Variants in SYBU observed in about 807,000 individuals in gnomAD.
The protein encoded by SYBU is GOLSYN A protein.
SYBU carries 21 observed loss-of-function variants against 35.9 expected under a neutral mutation model. That is an observed-to-expected ratio of 0.58 (90% CI 0.41 to 0.84). The LOEUF (loss-of-function observed/expected upper bound fraction) is 0.84, where lower values mean the gene tolerates loss of function less well. SYBU is among the 40% of genes least tolerant of loss of function. The pLI, the probability that SYBU is intolerant of heterozygous loss-of-function variation, is 0.00. For synonymous variants in SYBU, 319 were observed against 324.3 expected (o/e 0.98, Z 0.18); for missense variants, 768 against 848.2 (o/e 0.91, Z 1.17).
In SYBU at chr8:109,640,819, CAAA is replaced by C. The variant is rs33993476; in HGVS notation, c.229+1906_229+1908del. Among the ~76,000 whole-genome samples the C allele has an allele frequency of 2.3e-3, 185 of 82,040 alleles. 1 individual carries two copies. Among genetic ancestry groups the C allele is most frequent in the Non-Finnish European group, 4.0e-3 (146 of 36,520 alleles). 53.8% of individuals were successfully genotyped at this position (82,040 alleles called of 152,430 possible). ...AAATTGTTAGCAAAAAATTAGTTAG[CAAA>C]AAAAAAAAAAAAAAAAGTAGGCAGT... On this transcript the variant is annotated intron_variant, in intron 2 of 6. Transcript: ENST00000276646.
upstream of SYBU, chr8:109,645,000 C>G: frequency 2.0e-6 from 1 of 492,664 alleles, no homozygotes; most frequent in Non-Finnish European, 3.8e-6. Flanking sequence ...GCCCCCCCAG[C>G]CAGAGCCGGT....
intron 3 of SYBU, among the ~76,000 whole-genome samples, chr8:109,595,040 A>G (rs1824707008): frequency 6.6e-6 from 1 of 152,006 alleles, no homozygotes; most frequent in South Asian, 2.1e-4. Context: ...ATATATGTAA[A>G]ACATGTAAAA....
At chr8:109,607,120 C>T (rs980398391) in intron 3 of SYBU, among the ~76,000 whole-genome samples, 1 of 152,166 alleles carries the variant, frequency 6.6e-6, no homozygotes, top group Non-Finnish European at 1.5e-5. Flanking sequence ...CCACCACAGG[C>T]ATTAATCATT....
chr8:109,681,943 T>G (rs1449440630), upstream of SYBU, among the ~76,000 whole-genome samples: 1 of 152,170 alleles, frequency 6.6e-6, no homozygotes, highest in East Asian at 1.9e-4. Context: ...CTCCCCTTTT[T>G]GCTTGGCACT....
At chr8:109,657,439 T>TAAAG (rs771871998) in intron 1 of SYBU, among the ~76,000 whole-genome samples, 9 of 152,218 alleles carry the variant, frequency 5.9e-5, no homozygotes, top group Non-Finnish European at 7.3e-5. Flanking sequence ...ATTTGTTTGT[T>TAAAG]CTATAGAGCT....
intron 1 of SYBU, among the ~76,000 whole-genome samples, chr8:109,678,151 AAAAAAAAAGG>A: frequency 6.6e-6 from 1 of 150,682 alleles, no homozygotes; most frequent in East Asian, 1.9e-4. Context: ...AAAAAAAAAA[AAAAAAAAAGG>A]AAAAGGAAAA....
chr8:109,637,506 GGCT>G (rs754295497), intron 2 of SYBU, among the ~76,000 whole-genome samples: 2 of 152,090 alleles, frequency 1.3e-5, no homozygotes, highest in East Asian at 3.9e-4. Flanking sequence ...TCTGTGGTGA[GGCT>G]GCTAAGCATT....
intron 1 of SYBU, among the ~76,000 whole-genome samples, chr8:109,655,848 C>G (rs953946792): frequency 6.6e-6 from 1 of 152,160 alleles, no homozygotes; most frequent in African/African-American, 2.4e-5. Flanking sequence ...GGCGTGGTGG[C>G]TCACGCCTGT....
chr8:109,670,485 T>C (rs1816939593), intron 1 of SYBU, among the ~76,000 whole-genome samples: 1 of 151,958 alleles, frequency 6.6e-6, no homozygotes, highest in African/African-American at 2.4e-5. Context: ...TATATTTTAG[T>C]TTTACAAATA....
At chr8:109,675,292 A>G (rs923081094) in intron 1 of SYBU, among the ~76,000 whole-genome samples, 4 of 152,246 alleles carry the variant, frequency 2.6e-5, no homozygotes, top group South Asian at 2.1e-4. Context: ...CTAAGATCAG[A>G]GCAGAACCGA....
At chr8:109,674,056 T>C (rs976519271) in intron 1 of SYBU, among the ~76,000 whole-genome samples, 4 of 152,292 alleles carry the variant, frequency 2.6e-5, no homozygotes, top group African/African-American at 9.6e-5. Flanking sequence ...TACTTTTGAT[T>C]GGTGTACCTG....
At chr8:109,678,016 C>T (rs1817253041) in intron 1 of SYBU, among the ~76,000 whole-genome samples, 1 of 151,230 alleles carries the variant, frequency 6.6e-6, no homozygotes, top group African/African-American at 2.4e-5. Context: ...TGCCTGTAAT[C>T]CCAGCTATTT....
chr8:109,675,311 G>C (rs910727224), intron 1 of SYBU, among the ~76,000 whole-genome samples: 5 of 152,190 alleles, frequency 3.3e-5, no homozygotes, highest in African/African-American at 9.7e-5. Flanking sequence ...GAAGTAGATA[G>C]AGACAAGAAA....
intron 1 of SYBU, among the ~76,000 whole-genome samples, chr8:109,676,542 G>C (rs950490178): frequency 1.3e-5 from 2 of 152,142 alleles, no homozygotes; most frequent in Non-Finnish European, 2.9e-5. Flanking sequence ...ACCATTATTA[G>C]AAAGAATATA....
intron 4 of SYBU, among the ~76,000 whole-genome samples, chr8:109,582,687 A>G (rs1823177939): frequency 6.6e-6 from 1 of 152,174 alleles, no homozygotes; most frequent in African/African-American, 2.4e-5. Flanking sequence ...CATCACCATG[A>G]TCTAGGGTTG....
At chr8:109,596,020 C>T (rs1414627571) in intron 3 of SYBU, among the ~76,000 whole-genome samples, 1 of 152,222 alleles carries the variant, frequency 6.6e-6, no homozygotes, top group Non-Finnish European at 1.5e-5. Flanking sequence ...CCTACAGCCA[C>T]AATTCTGTCT....
intron 3 of SYBU, among the ~76,000 whole-genome samples, chr8:109,617,375 A>T (rs1229536584): frequency 1.3e-5 from 2 of 152,188 alleles, no homozygotes; most frequent in Non-Finnish European, 2.9e-5. Flanking sequence ...TTTGGGAGTG[A>T]TACAAACTTT....
At chr8:109,580,847 CCCT>C (rs1468338516) in intron 4 of SYBU, 4 of 152,552 alleles carry the variant, frequency 2.6e-5, no homozygotes, top group Non-Finnish European at 5.9e-5. Flanking sequence ...CCTCCCTCCT[CCCT>C]CTGTACTACA....
At position 109,591,442 on chromosome 8, in the gene SYBU, TA is replaced by T. The variant is rs1824233265; in HGVS notation, c.428-5281del. On this transcript the variant is annotated intron_variant, in intron 3 of 6. Transcript: ENST00000276646. ...AACCATGTGCACATTATTCGTATTA[TA>T]AATTATATATAGGAGTGCACTGATG... Among the ~76,000 whole-genome samples, 4 of 151,966 alleles carry T rather than the reference TA, an allele frequency of 2.6e-5. No individual in the cohort carries two copies. In the South Asian group the frequency reaches 8.3e-4, roughly 32 times the overall value.
Sources: allele counts gnomAD v4.1 joint callset (sites outside exome capture counted in the v4.1 genomes callset), GRCh38; gene constraint gnomAD v4.1.1; transcripts MANE v1.5; gene names NCBI Gene and HGNC (gene_info 2026-07-23, HGNC 2026-07-21).